ARHGAP8: variants seen among roughly 807,000 people sequenced by gnomAD.
The protein encoded by ARHGAP8 is Rho GTPase activating protein 8.
ARHGAP8 carries 62 observed loss-of-function variants against 46.1 expected under a neutral mutation model. The ratio of observed to expected loss-of-function variants is 1.34; its 90% CI spans 1.10 to 1.66. ARHGAP8 has a LOEUF of 1.66. Ranked by LOEUF, ARHGAP8 falls within the 40% of genes most tolerant of loss-of-function variation. The pLI, the probability that ARHGAP8 is intolerant of heterozygous loss-of-function variation, is 0.00. For missense variants in ARHGAP8, 923 were observed against 568.4 expected, an observed-to-expected ratio of 1.62 and a Z score of -6.34; for synonymous variants, 375 against 243.1, an observed-to-expected ratio of 1.54 and a Z score of -5.05.
At chr22:44,846,502 G>A (rs758601649) in intron 8 of ARHGAP8, among the ~76,000 whole-genome samples, 8 of 152,158 alleles carry the variant, frequency 5.3e-5, no homozygotes, top group Non-Finnish European at 7.4e-5. Flanking sequence ...CAGACCCTGC[G>A]GCCCCAGCAT....
chr22:44,819,218 C>T (rs1345277181), intron 5 of ARHGAP8, among the ~76,000 whole-genome samples: 1 of 152,174 alleles, frequency 6.6e-6, no homozygotes, highest in Non-Finnish European at 1.5e-5. Flanking sequence ...ACAGGCACGC[C>T]ACCATGCCCA....
Position 44,758,377 on chromosome 22 carries a change from G to A in ARHGAP8, c.-72+5750G>A, listed in dbSNP as rs1347223293. On this transcript the variant is annotated intron_variant, in intron 1 of 11. Coordinates refer to ENST00000356099, the MANE Select transcript of ARHGAP8 (RefSeq NM_181335.3). Reference sequence around the variant, plus strand: ...GCAGAGGTTGCAGTGAGCCAAGATTGTGCCACTGTACTCCAGCCTGGGTGA... The same window carrying A: ...GCAGAGGTTGCAGTGAGCCAAGATTATGCCACTGTACTCCAGCCTGGGTGA... 2.0e-5 allele frequency among the ~76,000 whole-genome samples: 3 copies of A among 152,140 alleles called. No individual in the cohort carries two copies. In the East Asian group the frequency reaches 5.8e-4, roughly 29 times the overall value.
At chr22:44,840,145 G>T (rs1175188411) in intron 7 of ARHGAP8, among the ~76,000 whole-genome samples, 3 of 152,202 alleles carry the variant, frequency 2.0e-5, no homozygotes, top group African/African-American at 7.2e-5. Context: ...AGAAGGACCT[G>T]GCCCAGAAAC....
intron 1 of ARHGAP8, chr22:44,785,998 C>T (rs557665841): frequency 6.1e-6 from 1 of 163,038 alleles, no homozygotes; most frequent in Admixed American, 5.9e-5. Context: ...CTCTCTGAGC[C>T]TTAGTTGCCA....
intron 7 of ARHGAP8, among the ~76,000 whole-genome samples, chr22:44,828,362 G>C (rs888465400): frequency 6.6e-6 from 1 of 151,774 alleles, no homozygotes; most frequent in Non-Finnish European, 1.5e-5. Context: ...CAGTGACCTC[G>C]GTCCCCTCCT....
At chr22:44,761,093 A>G (rs1022631949) in intron 1 of ARHGAP8, among the ~76,000 whole-genome samples, 1 of 152,220 alleles carries the variant, frequency 6.6e-6, no homozygotes, top group Non-Finnish European at 1.5e-5. Flanking sequence ...CAGGCCCTGT[A>G]CTAGGCACCA....
rs772886283 is a variant in ARHGAP8, at chr22:44,802,044, G to A, written c.80-33G>A. ...GCCTGAGGATTTTCTAGGAGAAGGT[G>A]GCACAGAGGCTCACCTGTGTCTGCT... On this transcript the variant is annotated intron_variant, in intron 2 of 11. Transcript: ENST00000356099. The A allele has an allele frequency of 7.4e-6, 12 of 1,611,364 alleles. No homozygotes were observed. The South Asian group carries it at 1.1e-4, about 15-fold the overall frequency.
intron 10 of ARHGAP8, among the ~76,000 whole-genome samples, chr22:44,858,551 T>TTC (rs397964298): frequency 1.7e-5 from 2 of 117,912 alleles, no homozygotes; most frequent in African/African-American, 7.2e-5. Flanking sequence ...TTTTTTTTTT[T>TTC]AAGTAACAGG....
chr22:44,861,305 C>T (rs757697919), intron 11 of ARHGAP8, among the ~76,000 whole-genome samples: 2 of 152,148 alleles, frequency 1.3e-5, no homozygotes, highest in South Asian at 2.1e-4. Context: ...ACTGATTTCT[C>T]TCTCTAGCCG....
At chr22:44,779,726 G>T (rs368100728) in intron 1 of ARHGAP8, among the ~76,000 whole-genome samples, 19 of 151,758 alleles carry the variant, frequency 1.3e-4, no homozygotes, top group Admixed American at 3.9e-4. Flanking sequence ...GGGCCACCAC[G>T]CCCAGCTAAT....
At chr22:44,773,568 G>A (rs1421940035) in intron 1 of ARHGAP8, among the ~76,000 whole-genome samples, 1 of 152,118 alleles carries the variant, frequency 6.6e-6, no homozygotes, top group Non-Finnish European at 1.5e-5. Context: ...TATGTGAAAT[G>A]TAGAATTTTT....
chr22:44,792,792 A>AGTGGTGGTG (rs756818869), intron 2 of ARHGAP8, among the ~76,000 whole-genome samples: 1,682 of 91,938 alleles, frequency 0.018, 27 homozygotes, highest in African/African-American at 0.071. Flanking sequence ...CACTAACGAC[A>AGTGGTGGTG]GTGGTGGTGG....
chr22:44,852,945 G>A (rs1210048947), intron 10 of ARHGAP8, among the ~76,000 whole-genome samples: 1 of 152,182 alleles, frequency 6.6e-6, no homozygotes, highest in Non-Finnish European at 1.5e-5. Flanking sequence ...TGGGACGACA[G>A]GCCCGTGTCA....
intron 11 of ARHGAP8, 147 bp downstream of exon 11, chr22:44,859,981 C>T (rs769073405): frequency 1.3e-5 from 13 of 997,786 alleles, no homozygotes; most frequent in Admixed American, 2.7e-5. Flanking sequence ...CCCCAAGGAC[C>T]TCATCCAAGG....
rs1021320083 is a variant in ARHGAP8, at chr22:44,756,404, G to A, written c.-72+3777G>A. Reference sequence around the variant, plus strand: ...GGACTCCCACCTGACTCTCCAAAGCGGACCCCACGCTGTTGTAATTCCTTG... The same window carrying A: ...GGACTCCCACCTGACTCTCCAAAGCAGACCCCACGCTGTTGTAATTCCTTG... On this transcript the variant is annotated intron_variant, in intron 1 of 11. Coordinates refer to ENST00000356099, the MANE Select transcript of ARHGAP8 (RefSeq NM_181335.3). 5.9e-5 allele frequency among the ~76,000 whole-genome samples: 9 copies of A among 152,094 alleles called. No homozygotes were observed. In the South Asian group the frequency reaches 8.3e-4, roughly 14 times the overall value.
At chr22:44,858,261 G>A (rs1421948486) in intron 10 of ARHGAP8, among the ~76,000 whole-genome samples, 10 of 152,318 alleles carry the variant, frequency 6.6e-5, no homozygotes, top group East Asian at 3.9e-4. Flanking sequence ...TGGAGGATGT[G>A]GGTACACAGT....
intron 2 of ARHGAP8, among the ~76,000 whole-genome samples, chr22:44,795,695 G>A (rs893626939): frequency 3.2e-4 from 48 of 152,152 alleles, no homozygotes; most frequent in African/African-American, 1.1e-3. Flanking sequence ...TGGGACCTGC[G>A]GAAAAGCTGC....
intron 10 of ARHGAP8, chr22:44,849,390 C>T: frequency 3.0e-6 from 1 of 331,054 alleles, no homozygotes; most frequent in African/African-American, 2.1e-5. Flanking sequence ...CCTGTAACCG[C>T]TCCCAGGCCC....
chr22:44,791,075 C>T (rs1164665165), intron 2 of ARHGAP8, among the ~76,000 whole-genome samples: 6 of 152,076 alleles, frequency 3.9e-5, no homozygotes, highest in Admixed American at 1.3e-4. Flanking sequence ...CTTGCTCTCC[C>T]GGTGGGTACC....
Sources: gnomAD v4.1 joint callset for allele counts (sites outside exome capture counted in the v4.1 genomes callset) on GRCh38, gnomAD v4.1.1 for gene constraint, MANE v1.5 for transcripts, NCBI Gene and HGNC (gene_info 2026-07-23, HGNC 2026-07-21) for gene names.